Variants in PFKM observed in about 807,000 individuals in gnomAD.
PFKM encodes ATP-dependent 6-phosphofructokinase, muscle type.
PFKM carries 58 observed loss-of-function variants against 95.5 expected under a neutral mutation model. That is an observed-to-expected ratio of 0.61 (90% confidence interval 0.49 to 0.76). PFKM has a LOEUF of 0.76. PFKM is among the 30% of genes least tolerant of loss of function. The probability of loss-of-function intolerance (pLI) is 0.00; values close to 1 mark genes in which losing one functional copy is unlikely to be tolerated. For missense variants in PFKM, 678 were observed against 1,005.4 expected, an observed-to-expected ratio of 0.67 and a Z score of 4.40; for synonymous variants, 336 against 357.2, an observed-to-expected ratio of 0.94 and a Z score of 0.67.
chr12:48,108,194 G>C, exon 3 of PFKM: 1 of 1,597,424 alleles, frequency 6.3e-7, no homozygotes, highest in Non-Finnish European at 8.5e-7. Context: ...TTTCAAAACT[G>C]GTGAGGCATG....
At chr12:48,109,161 T>C (rs1946967840) in intron 3 of PFKM, among the ~76,000 whole-genome samples, 1 of 152,248 alleles carries the variant, frequency 6.6e-6, no homozygotes, top group Admixed American at 6.5e-5. Context: ...AAGAACTTAA[T>C]AATTTTGGTT....
At chr12:48,127,227 T>C (rs1486723601) in intron 2 of PFKM, among the ~76,000 whole-genome samples, 1 of 148,562 alleles carries the variant, frequency 6.7e-6, no homozygotes, top group Non-Finnish European at 1.5e-5. Flanking sequence ...TTATTAGTTT[T>C]TATCATGGAA....
At chr12:48,143,964 A>C (rs2136034709) in intron 19 of PFKM, 82 bp from the exon 20 acceptor site, 1 of 1,183,186 alleles carries the variant, frequency 8.5e-7, no homozygotes, top group South Asian at 1.2e-5. Flanking sequence ...AGGAGATAAA[A>C]ATTGAAAGGA....
intron 3 of PFKM, among the ~76,000 whole-genome samples, chr12:48,110,109 A>G (rs1174750708): frequency 6.6e-6 from 1 of 152,228 alleles, no homozygotes; most frequent in East Asian, 1.9e-4. Flanking sequence ...GGGGTGTAAT[A>G]TGGCCTGAGA....
Position 48,135,274 on chromosome 12 carries a change from T to A in PFKM, c.844-17T>A, listed in dbSNP as rs372870462. On this transcript the variant is annotated splice_polypyrimidine_tract_variant and intron_variant, in intron 9 of 22. Transcript: ENST00000359794. ...CTCTGCGTAACCCTCTCTCTGTCCCTCTGTTGGTCCCTTCAGCTGGTGGTT... is the reference window on the plus strand; with the variant it reads ...CTCTGCGTAACCCTCTCTCTGTCCCACTGTTGGTCCCTTCAGCTGGTGGTT... The A allele has an allele frequency of 1.3e-4, 203 of 1,605,040 alleles. 3 individuals are homozygous for A. The highest frequency in any genetic ancestry group is 2.4e-5 in the Non-Finnish European group (28 of 1,171,804).
chr12:48,115,977 T>C (rs541338932), upstream of PFKM, among the ~76,000 whole-genome samples: 3 of 152,200 alleles, frequency 2.0e-5, no homozygotes, highest in African/African-American at 7.2e-5. Context: ...CTAATTAATA[T>C]GATGACTCTA....
Position 48,107,433 on chromosome 12 carries a change from A to G in PFKM, c.60A>G (p.Leu20=), listed in dbSNP as rs748923685. ...TGTGTGTGATTCAGTCTCGCCAGTT[A>G]GTCAGGACTCCTCAGAGAACAGGTA... The change falls in exon 2 of 25, where the codon TTA becomes TTG. Residue 20 remains leucine, a synonymous_variant. Transcript: ENST00000340802. 1.9e-6 allele frequency: 3 copies of G among 1,597,494 alleles called. No individual in the cohort carries two copies. The highest frequency in any genetic ancestry group is 2.5e-6 in the Non-Finnish European group (3 of 1,177,972).
chr12:48,113,979 T>C (rs554431791), intron 3 of PFKM, among the ~76,000 whole-genome samples: 1 of 152,270 alleles, frequency 6.6e-6, no homozygotes, highest in East Asian at 1.9e-4. Flanking sequence ...TCTTTAAGTT[T>C]GTCATAATTA....
chr12:48,137,933 T>C, intron 11 of PFKM, 87 bp downstream of exon 11: 5 of 1,447,056 alleles, frequency 3.5e-6, no homozygotes, highest in Non-Finnish European at 4.9e-6. Flanking sequence ...CTAAGGCCAC[T>C]GGTATAGGAG....
Position 48,139,836 on chromosome 12 carries a change from G to A in PFKM, c.1128-13G>A, listed in dbSNP as rs1430058966. ...GGCCTGAAGACACCTCTCTCTATTT[G>A]TACTTCCTACAGGAGCTTCATGAAC... On this transcript the variant is annotated splice_polypyrimidine_tract_variant and intron_variant, in intron 12 of 22. Coordinates refer to ENST00000359794, the MANE Select transcript of PFKM (RefSeq NM_000289.6). The A allele has an allele frequency of 1.3e-6, 2 of 1,586,772 alleles. No individual in the cohort carries two copies. Among genetic ancestry groups the A allele is most frequent in the Non-Finnish European group, 1.7e-6 (2 of 1,155,226 alleles).
At chr12:48,134,333 T>C (rs1270934914) in intron 7 of PFKM, 57 bp downstream of exon 7, 1 of 1,452,828 alleles carries the variant, frequency 6.9e-7, no homozygotes, top group Non-Finnish European at 9.7e-7. Flanking sequence ...CCCTTTCCTT[T>C]TCCCCAGAGA....
rs1190728981 is a variant in PFKM at position 48,133,509 on chromosome 12, A to G, written c.593+29A>G. 4.4e-6 allele frequency: 7 copies of G among 1,601,726 alleles called. No individual in the cohort carries two copies. The East Asian group carries it at 1.3e-4, about 31-fold the overall frequency. ...AGGGGACTTGGGAGGTAGGCAGTGT[A>G]AGAAGATGGCAGCTAGGACAGGCTA... On this transcript the variant is annotated intron_variant, in intron 6 of 22. Transcript: ENST00000359794.
At chr12:48,118,400 T>G (rs535934397), upstream of PFKM, 1 of 739,976 alleles carries the variant, frequency 1.4e-6, no homozygotes, top group African/African-American at 1.7e-5. Flanking sequence ...GATGGTATAA[T>G]TTGGAGAACA....
intron 2 of PFKM, chr12:48,107,483 G>A (rs1048398013): frequency 4.2e-6 from 6 of 1,417,512 alleles, no homozygotes; most frequent in Non-Finnish European, 5.9e-6. Context: ...TCATACTCCA[G>A]TGACAGAGAA....
chr12:48,142,319 A>G, intron 17 of PFKM: 1 of 506,752 alleles, frequency 2.0e-6, no homozygotes, highest in Non-Finnish European at 3.6e-6. Context: ...CTAAAAATAC[A>G]AAAACTAGCT....
At position 48,130,441 on chromosome 12, in the gene PFKM, G is replaced by T; in HGVS notation, c.159+5G>T. 1 of 1,605,504 alleles carries T rather than the reference G, an allele frequency of 6.2e-7. No homozygotes were observed. The highest frequency in any genetic ancestry group is 8.5e-7 in the Non-Finnish European group (1 of 1,172,088). The stretch of plus-strand genomic sequence containing the variant: ...CGTGTCTTCTTTGTCCATGAGGTTG[G>T]TTCTGTACTTTGTTCTTCATCATTC... On this transcript the variant is annotated splice_donor_5th_base_variant and intron_variant, in intron 3 of 22. Coordinates refer to ENST00000359794, the MANE Select transcript of PFKM (RefSeq NM_000289.6).
At chr12:48,116,706 G>A (rs139363131), upstream of PFKM, among the ~76,000 whole-genome samples, 27 of 152,132 alleles carry the variant, frequency 1.8e-4, no homozygotes, top group African/African-American at 6.3e-4. Context: ...CTTAAATTCC[G>A]GAGCTCAAAC....
chr12:48,129,210 C>CTTTTTTTTTTTTTTTTTT (rs778761447), intron 2 of PFKM, among the ~76,000 whole-genome samples: 1 of 21,996 alleles, frequency 4.5e-5, no homozygotes, highest in East Asian at 2.2e-3. Flanking sequence ...AATTTTCTTT[C>CTTTTTTTTTTTTTTTTTT]TTTTTTTTTT....
At chr12:48,138,557 T>C (rs563536244) in intron 11 of PFKM, among the ~76,000 whole-genome samples, 1 of 152,188 alleles carries the variant, frequency 6.6e-6, no homozygotes, top group East Asian at 1.9e-4. Context: ...CTGTAAAAGC[T>C]CCAAAGTGAA....
Sources: allele counts gnomAD v4.1 joint callset (sites outside exome capture counted in the v4.1 genomes callset), GRCh38; gene constraint gnomAD v4.1.1; transcripts MANE v1.5; gene names NCBI Gene and HGNC (gene_info 2026-07-23, HGNC 2026-07-21).